The following IFT70A variants were observed in gnomAD, a reference collection of about 807,000 sequenced individuals.
The protein encoded by IFT70A is intraflagellar transport 70A.
At chr2:177,618,321 G>T in the IFT70A span, 1 of 1,613,902 alleles carries the variant, frequency 6.2e-7, no homozygotes, top group Middle Eastern at 1.7e-4. Context: ...CTGGCAGATC[G>T]CCCTCGCTAT....
chr2:177,616,968 C>T, the IFT70A span: 1 of 1,610,990 alleles, frequency 6.2e-7, no homozygotes, highest in Non-Finnish European at 8.5e-7. Flanking sequence ...TATCTGTTCC[C>T]AGCTTTTTAT....
At chr2:177,616,925 A>G in the IFT70A span, 1 of 1,598,102 alleles carries the variant, frequency 6.3e-7, no homozygotes, top group Non-Finnish European at 8.5e-7. Context: ...TTTTCTAACA[A>G]GGACAGGAAG....
the IFT70A span, chr2:177,613,529 A>G: frequency 6.6e-6 from 1 of 152,184 alleles, no homozygotes; most frequent in African/African-American, 2.4e-5. Flanking sequence ...AAGAATTGGG[A>G]CTAAGACGTT....
At chr2:177,617,760 T>C in the IFT70A span, 19 of 1,614,188 alleles carry the variant, frequency 1.2e-5, no homozygotes, top group African/African-American at 1.7e-4. Flanking sequence ...AGGGATTCTG[T>C]TGGAGCAAAA....
At chr2:177,617,012 T>A in the IFT70A span, 1 of 1,613,536 alleles carries the variant, frequency 6.2e-7, no homozygotes, top group East Asian at 2.2e-5. Flanking sequence ...ACTCGAGAAA[T>A]ACCAAACTCA....
At chr2:177,616,898 T>A in the IFT70A span, 1 of 1,595,904 alleles carries the variant, frequency 6.3e-7, no homozygotes, top group Middle Eastern at 1.7e-4. Flanking sequence ...TGAATGACTA[T>A]CATGTGTTTT....
chr2:177,618,696 A>T, the IFT70A span: 1 of 1,569,360 alleles, frequency 6.4e-7, no homozygotes, highest in African/African-American at 1.3e-5. Context: ...CGCTCAGACC[A>T]GCCATAACCA....
chr2:177,618,723 T>A, the IFT70A span: 18 of 1,524,108 alleles, frequency 1.2e-5, no homozygotes, highest in Non-Finnish European at 1.6e-5. Context: ...CTGTTATGCG[T>A]GCGGTTACCA....
the IFT70A span, chr2:177,613,392 A>G: frequency 6.6e-6 from 1 of 152,220 alleles, no homozygotes; most frequent in Non-Finnish European, 1.5e-5. Context: ...TTGCTTTACA[A>G]TGTTAGGGTG....
the IFT70A span, chr2:177,617,683 G>A: frequency 1.2e-6 from 2 of 1,614,194 alleles, no homozygotes; most frequent in Non-Finnish European, 1.7e-6. Flanking sequence ...CAGGACATCT[G>A]CTGCCAGGTC....
the IFT70A span, chr2:177,617,257 T>C: frequency 1.9e-6 from 3 of 1,579,562 alleles, no homozygotes; most frequent in Non-Finnish European, 2.6e-6. Flanking sequence ...TATGGGTTCA[T>C]AGAAACCAAT....
chr2:177,616,019 G>C, the IFT70A span: 3 of 150,818 alleles, frequency 2.0e-5, no homozygotes, highest in Non-Finnish European at 3.0e-5. Context: ...GAAGAAAAAC[G>C]TTTATTATAA....
At chr2:177,618,534 G>A in the IFT70A span, 8 of 1,591,826 alleles carry the variant, frequency 5.0e-6, no homozygotes, top group South Asian at 1.1e-5. Context: ...CCTGCAGGCG[G>A]TAGTAGCAGT....
At chr2:177,613,958 T>C in the IFT70A span, 1 of 152,160 alleles carries the variant, frequency 6.6e-6, no homozygotes, top group Non-Finnish European at 1.5e-5. Flanking sequence ...CAAATGCTTA[T>C]TTTTCACACT....
chr2:177,616,582 G>A, the IFT70A span: 1 of 942,516 alleles, frequency 1.1e-6, no homozygotes, highest in Non-Finnish European at 1.5e-6. Flanking sequence ...ACATAAACTT[G>A]TTCTTACAAA....
the IFT70A span, chr2:177,616,799 C>T: frequency 8.1e-6 from 13 of 1,597,454 alleles, no homozygotes; most frequent in Middle Eastern, 1.7e-4. Context: ...CTTTCTTCTT[C>T]GAGGGGTTGT....
chr2:177,618,526 T>C, the IFT70A span: 1 of 1,590,536 alleles, frequency 6.3e-7, no homozygotes, highest in Non-Finnish European at 8.6e-7. Context: ...CGCGAACTCC[T>C]GCAGGCGGTA....
the IFT70A span, chr2:177,618,285 C>T: frequency 1.2e-6 from 2 of 1,614,238 alleles, no homozygotes; most frequent in Non-Finnish European, 1.7e-6. Context: ...CCCCACTCAG[C>T]AGCTGCTCCA....
chr2:177,613,999 A>G, the IFT70A span: 3 of 152,200 alleles, frequency 2.0e-5, no homozygotes, highest in Non-Finnish European at 2.9e-5. Flanking sequence ...CTATATTCTA[A>G]TAATTTTTCC....
Sources: gnomAD v4.1 joint callset for allele counts on GRCh38, gnomAD v4.1.1 for gene constraint, MANE v1.5 for transcripts, NCBI Gene and HGNC (gene_info 2026-07-23, HGNC 2026-07-21) for gene names.